The following MICAL3 variants were observed in gnomAD, a reference collection of about 807,000 sequenced individuals.
MICAL3 encodes the protein [F-actin]-monooxygenase MICAL3.
MICAL3 carries 62 observed loss-of-function variants against 207.4 expected under a neutral mutation model. That is an observed-to-expected ratio of 0.30 (90% CI 0.24 to 0.37). The LOEUF is 0.37. Ranked by LOEUF, MICAL3 falls within the 10% of genes least tolerant of loss-of-function variation. The probability of loss-of-function intolerance (pLI) is 1.00; values close to 1 mark genes in which losing one functional copy is unlikely to be tolerated. For synonymous variants in MICAL3, 1,077 were observed against 1,069.3 expected (o/e 1.01, Z -0.14); for missense variants, 2,368 against 2,635.6 (o/e 0.90, Z 2.22).
Position 17,887,150 on chromosome 22 carries a change from A to G in MICAL3, c.2067+20T>C, listed in dbSNP as rs4819644. On this transcript the variant is annotated intron_variant, in intron 15 of 31. Transcript: ENST00000441493. ...GCTATTCCACATGACCATTCTAGCA[A>G]TTCCCCAAGTGAATCTCACCTCCTC... 364,452 of 1,603,114 alleles carry G rather than the reference A, an allele frequency of 0.23. 42,489 individuals carry two copies. The highest frequency in any genetic ancestry group is 0.29 in the Middle Eastern group (1,744 of 6,040).
At chr22:17,807,500 C>T (rs2062000485) in intron 29 of MICAL3, among the ~76,000 whole-genome samples, 1 of 152,226 alleles carries the variant, frequency 6.6e-6, no homozygotes. Context: ...GTAGCCTGGA[C>T]TTCATGCATT....
intron 19 of MICAL3, among the ~76,000 whole-genome samples, chr22:17,856,850 T>C (rs1925967876): frequency 6.6e-6 from 1 of 151,968 alleles, no homozygotes; most frequent in Admixed American, 6.6e-5. Flanking sequence ...CTCGATCTCC[T>C]GAACTCATGA....
chr22:17,899,504 A>G lies in MICAL3; in HGVS notation c.892T>C (p.Tyr298His). 6.2e-7 allele frequency: 1 copy of G among 1,609,656 alleles called. No homozygotes were observed. The highest frequency in any genetic ancestry group is 8.5e-7 in the Non-Finnish European group (1 of 1,177,666). Residue 298 changes from tyrosine to histidine, a missense_variant, in exon 7 of 32, where the codon TAT becomes CAT. Transcript: ENST00000441493. ...TGCTTTTTGGCTGTCATAACGAAAT[A>G]GTGTGTGTCATCTTTGTAGTAAACG... is the stretch of plus-strand genomic sequence containing the variant. ...NIVYYKDDTH[Y>H]FVMTAKKQSL...
intron 1 of MICAL3, among the ~76,000 whole-genome samples, chr22:18,015,266 A>C (rs984064548): frequency 1.3e-5 from 2 of 152,154 alleles, no homozygotes; most frequent in African/African-American, 4.8e-5. Context: ...AATAAAAAAC[A>C]TTCTACTTTG....
At chr22:17,890,750 G>T (rs916684335) in intron 12 of MICAL3, among the ~76,000 whole-genome samples, 2 of 152,262 alleles carry the variant, frequency 1.3e-5, no homozygotes, top group Admixed American at 6.5e-5. Flanking sequence ...ATGATGAAAA[G>T]GACAGGAAAC....
chr22:17,816,279 C>A (rs752669346), intron 27 of MICAL3, among the ~76,000 whole-genome samples: 4 of 152,234 alleles, frequency 2.6e-5, no homozygotes, highest in Admixed American at 6.5e-5. Context: ...CAGGACCAGG[C>A]ACAATGCTCT....
In MICAL3 at chr22:17,818,887, G is replaced by A; in HGVS notation, c.3774C>T (p.Leu1258=). The change falls in exon 26 of 32, where the codon CTC becomes CTT. Residue 1258 remains leucine, a synonymous_variant. Coordinates refer to ENST00000441493, the MANE Select transcript of MICAL3 (RefSeq NM_015241.3). ...VAASTPPPSP[L]PICSQPQPST... ...AAGGCTGGGGCTGGGAGCAGATGGGGAGTGGGCTGGGTGGGGGCGTGGAGG... is the reference window on the plus strand; with the variant it reads ...AAGGCTGGGGCTGGGAGCAGATGGGAAGTGGGCTGGGTGGGGGCGTGGAGG... 6.4e-7 allele frequency: 1 copy of A among 1,553,566 alleles called. No individual in the cohort carries two copies.
At chr22:17,914,548 T>C (rs1333233425) in intron 1 of MICAL3, among the ~76,000 whole-genome samples, 2 of 152,124 alleles carry the variant, frequency 1.3e-5, no homozygotes, top group Non-Finnish European at 2.9e-5. Flanking sequence ...CTCATGAGAA[T>C]GCATGCCTCC....
chr22:17,912,409 C>T (rs1454356948), intron 1 of MICAL3, among the ~76,000 whole-genome samples: 2 of 151,336 alleles, frequency 1.3e-5, no homozygotes, highest in Non-Finnish European at 1.5e-5. Context: ...ATAGGGATTA[C>T]ACTGAATGTG....
intron 20 of MICAL3, among the ~76,000 whole-genome samples, chr22:17,839,207 C>T (rs1451295447): frequency 2.6e-5 from 4 of 151,538 alleles, no homozygotes; most frequent in Admixed American, 1.3e-4. Flanking sequence ...CTTTGGCCTC[C>T]CGGAGTACTG....
rs562700731 is a variant in MICAL3 at position 17,886,441 on chromosome 22, T to C, written c.2068-390A>G. On this transcript the variant is annotated intron_variant, in intron 15 of 31. Transcript: ENST00000441493. ...CAGGACTTTGGGAGGCCAAGATGGG[T>C]GGATCACTTGAGGCCAGGAGTTTGA... Among the ~76,000 whole-genome samples the C allele has an allele frequency of 5.9e-5, 9 of 151,686 alleles. No homozygotes were observed. The South Asian group carries it at 1.5e-3, about 25-fold the overall frequency.
Position 17,995,491 on chromosome 22 carries a change from ATTTTTTTTTTTTT to A in MICAL3, c.-75+28777_-75+28789del, listed in dbSNP as rs138357470. On this transcript the variant is annotated intron_variant, in intron 1 of 31. Coordinates refer to ENST00000441493, the MANE Select transcript of MICAL3 (RefSeq NM_015241.3). ...GACATTGCACCCAGCCTTTTCTTTA[ATTTTTTTTTTTTT>A]TTTTTTTTTTTTTTTTGGGACAGTA... 1.5e-4 allele frequency among the ~76,000 whole-genome samples: 12 copies of A among 77,632 alleles called. 1 individual carries two copies. The highest frequency in any genetic ancestry group is 4.1e-4 in the East Asian group (1 of 2,462). 50.9% of individuals were successfully genotyped at this position (77,632 alleles called of 152,430 possible). A position where few individuals can be genotyped will look rare whatever the true frequency, so the allele number is the denominator to read the frequency against.
In MICAL3 at chr22:17,791,505, C is replaced by A. The variant is rs2061824491; in HGVS notation, c.5651-204G>T. On this transcript the variant is annotated intron_variant, in intron 29 of 31. Transcript: ENST00000441493. ...CTGCGCTTTCCCGTGTCCTGCCATC[C>A]CTGTTCACCCCGTCAGCGACCTCGC... The A allele has an allele frequency of 5.1e-6, 3 of 592,790 alleles. No homozygotes were observed. The East Asian group carries it at 8.6e-5, about 17-fold the overall frequency. The allele number at this position is 592,790 out of a possible 1,614,324, so 36.7% of individuals were successfully genotyped here. A position where few individuals can be genotyped will look rare whatever the true frequency, so the allele number is the denominator to read the frequency against.
rs1237230112 is a variant in MICAL3, at chr22:17,880,793, C to A, written c.2241+5085G>T. Among the ~76,000 whole-genome samples the A allele has an allele frequency of 4.6e-5, 7 of 152,144 alleles. No homozygotes were observed. In the East Asian group the frequency reaches 1.3e-3, roughly 29 times the overall value. On this transcript the variant is annotated intron_variant, in intron 16 of 31. Coordinates refer to ENST00000441493, the MANE Select transcript of MICAL3 (RefSeq NM_015241.3). The stretch of plus-strand genomic sequence containing the variant: ...GCAGAGCTCCCAGAATCAGAAGGAA[C>A]GAAACTCACGTGGAGAAGCCCTGCG...
At chr22:17,858,913 C>T (rs987754119) in intron 19 of MICAL3, among the ~76,000 whole-genome samples, 2 of 152,174 alleles carry the variant, frequency 1.3e-5, no homozygotes, top group African/African-American at 2.4e-5. Flanking sequence ...ATTATGCACA[C>T]GTATGTATCC....
intron 12 of MICAL3, 103 bp downstream of exon 12, chr22:17,891,382 T>C (rs1333199925): frequency 2.0e-6 from 2 of 1,000,812 alleles, no homozygotes; most frequent in Non-Finnish European, 1.5e-6. Context: ...AGTATCTTAC[T>C]ATGTACCTCA....
chr22:17,910,742 C>G (rs992256024), intron 1 of MICAL3, among the ~76,000 whole-genome samples: 1 of 152,202 alleles, frequency 6.6e-6, no homozygotes, highest in Non-Finnish European at 1.5e-5. Context: ...CTGTCTCACT[C>G]TGCAAGGGGC....
intron 3 of MICAL3, among the ~76,000 whole-genome samples, chr22:17,903,507 G>T (rs12167602): frequency 0.01 from 1,548 of 152,290 alleles, 24 homozygotes; most frequent in African/African-American, 0.035. Context: ...ATGACCCTTG[G>T]TTCTCTCTTA....
At chr22:17,859,586 G>A (rs1351391879) in intron 19 of MICAL3, among the ~76,000 whole-genome samples, 4 of 152,248 alleles carry the variant, frequency 2.6e-5, no homozygotes, top group African/African-American at 9.6e-5. Flanking sequence ...CCAGCTTAGC[G>A]TCCAGGTCAC....
Sources: gnomAD v4.1 joint callset for allele counts (sites outside exome capture counted in the v4.1 genomes callset) on GRCh38, gnomAD v4.1.1 for gene constraint, MANE v1.5 for transcripts, NCBI Gene and HGNC (gene_info 2026-07-23, HGNC 2026-07-21) for gene names.